BRINP3: variants seen among roughly 807,000 people sequenced by gnomAD.
BRINP3 encodes BMP/retinoic acid-inducible neural-specific protein 3.
BRINP3 carries 19 observed loss-of-function variants against 71.0 expected under a neutral mutation model. The observed-to-expected ratio is 0.27, with a 90% CI of 0.19 to 0.39. The LOEUF is 0.39. Among genes scored for constraint, BRINP3 ranks in the 10% least tolerant of loss-of-function variants. BRINP3 has a pLI of 1.00. For synonymous variants in BRINP3, 380 were observed against 337.7 expected (o/e 1.13, Z -1.37); for missense variants, 959 against 940.8 (o/e 1.02, Z -0.25).
At chr1:190,240,543 G>A (rs1459058337) in intron 4 of BRINP3, among the ~76,000 whole-genome samples, 4 of 151,964 alleles carry the variant, frequency 2.6e-5, no homozygotes, top group African/African-American at 9.7e-5. Context: ...TATCTGAGGA[G>A]TAGATAGATA....
intron 4 of BRINP3, among the ~76,000 whole-genome samples, chr1:190,253,648 T>C (rs896742777): frequency 6.6e-6 from 1 of 152,220 alleles, no homozygotes; most frequent in African/African-American, 2.4e-5. Flanking sequence ...GCAAATTTGT[T>C]TAAATTCTTT....
chr1:190,355,688 A>G (rs990849616), intron 2 of BRINP3, among the ~76,000 whole-genome samples: 3 of 151,934 alleles, frequency 2.0e-5, no homozygotes, highest in Admixed American at 6.6e-5. Context: ...TTTCCTGGAA[A>G]TAATTCATAT....
rs375616351 is a variant in BRINP3 at position 190,412,514 on chromosome 1, G to A, written c.236+42141C>T. Among the ~76,000 whole-genome samples, 409 of 142,658 alleles carry A rather than the reference G, an allele frequency of 2.9e-3. 2 individuals carry two copies. The highest frequency in any genetic ancestry group is 9.9e-3 in the African/African-American group (379 of 38,396). The allele number at this position is 142,658 out of a possible 152,430, so 93.6% of individuals were successfully genotyped here. A position where few individuals can be genotyped will look rare whatever the true frequency, so the allele number is the denominator to read the frequency against. On this transcript the variant is annotated intron_variant, in intron 2 of 7. Transcript: ENST00000367462. ...GTCTCGCTCTGTCGCCCAGGCTGGA[G>A]TGCAGTGGTGGGATCTCGGCTCACT...
chr1:190,208,868 C>T (rs1291155545), intron 6 of BRINP3, among the ~76,000 whole-genome samples: 2 of 152,020 alleles, frequency 1.3e-5, no homozygotes, highest in Non-Finnish European at 1.5e-5. Context: ...AGTCACTTAA[C>T]ATGTGTTAGC....
chr1:190,454,510 C>G (rs1316895780), intron 2 of BRINP3, 145 bp downstream of exon 2: 4 of 634,170 alleles, frequency 6.3e-6, no homozygotes, highest in Non-Finnish European at 1.1e-5. Flanking sequence ...CTTTGAATAG[C>G]AAGAAAACAT....
chr1:190,476,962 A>G (rs887924103), intron 1 of BRINP3, among the ~76,000 whole-genome samples: 5 of 152,224 alleles, frequency 3.3e-5, no homozygotes, highest in Admixed American at 1.3e-4. Flanking sequence ...ACTTTGCAAC[A>G]AAGTCTTCCT....
At chr1:190,291,707 G>T (rs936345974) in intron 2 of BRINP3, among the ~76,000 whole-genome samples, 1 of 152,122 alleles carries the variant, frequency 6.6e-6, no homozygotes, top group Non-Finnish European at 1.5e-5. Flanking sequence ...CAGTTGGTGA[G>T]AACGTAAATT....
At chr1:190,475,312 G>A (rs186968024) in intron 1 of BRINP3, among the ~76,000 whole-genome samples, 80 of 152,256 alleles carry the variant, frequency 5.3e-4, no homozygotes, top group Non-Finnish European at 1.0e-3. Flanking sequence ...ACGCAAAAAG[G>A]TACTAAGAGA....
intron 4 of BRINP3, among the ~76,000 whole-genome samples, chr1:190,262,707 ACT>A (rs1348462229): frequency 1.3e-5 from 2 of 151,910 alleles, no homozygotes; most frequent in South Asian, 2.1e-4. Flanking sequence ...ATTCCAGATT[ACT>A]CTTTCTTCCC....
intron 4 of BRINP3, among the ~76,000 whole-genome samples, chr1:190,241,987 A>G (rs951398941): frequency 6.6e-6 from 1 of 151,634 alleles, no homozygotes; most frequent in African/African-American, 2.4e-5. Context: ...TTTTCCTCTG[A>G]TAGTCATTAA....
chr1:190,112,582 T>G (rs1343811535), intron 7 of BRINP3, among the ~76,000 whole-genome samples: 1 of 152,172 alleles, frequency 6.6e-6, no homozygotes, highest in Non-Finnish European at 1.5e-5. Flanking sequence ...AATTTGAAAA[T>G]TAATAAGTAC....
At chr1:190,133,670 C>G (rs538283808) in intron 7 of BRINP3, among the ~76,000 whole-genome samples, 9 of 152,048 alleles carry the variant, frequency 5.9e-5, no homozygotes, top group African/African-American at 2.2e-4. Flanking sequence ...AAACATGATG[C>G]ATAATACACT....
intron 7 of BRINP3, among the ~76,000 whole-genome samples, chr1:190,129,849 A>G (rs766670935): frequency 7.9e-5 from 12 of 152,006 alleles, no homozygotes; most frequent in Non-Finnish European, 1.3e-4. Context: ...AAATATATCG[A>G]TAAGACAGCC....
chr1:190,188,581 A>T (rs1206716702), intron 6 of BRINP3, among the ~76,000 whole-genome samples: 4 of 151,998 alleles, frequency 2.6e-5, no homozygotes, highest in African/African-American at 9.7e-5. Flanking sequence ...GAAATTTGTC[A>T]AATGCACCTT....
At chr1:190,157,138 A>T (rs901203377) in intron 7 of BRINP3, among the ~76,000 whole-genome samples, 2 of 152,022 alleles carry the variant, frequency 1.3e-5, no homozygotes, top group Admixed American at 6.6e-5. Flanking sequence ...TATTAAAAAA[A>T]AAAATTAACA....
chr1:190,336,254 C>T (rs956724911), intron 2 of BRINP3, among the ~76,000 whole-genome samples: 1 of 152,014 alleles, frequency 6.6e-6, no homozygotes. Context: ...CCTTGAGATA[C>T]TTGGAAGATT....
At chr1:190,191,019 C>A (rs568327480) in intron 6 of BRINP3, among the ~76,000 whole-genome samples, 1 of 152,078 alleles carries the variant, frequency 6.6e-6, no homozygotes, top group Non-Finnish European at 1.5e-5. Flanking sequence ...GTTTTATGGT[C>A]AATTGCATTG....
At chr1:190,383,207 C>T (rs1670663406) in intron 2 of BRINP3, among the ~76,000 whole-genome samples, 1 of 151,928 alleles carries the variant, frequency 6.6e-6, no homozygotes, top group Non-Finnish European at 1.5e-5. Context: ...TTTTATTGAG[C>T]CATTAGATTC....
chr1:190,308,648 TA>T lies in BRINP3; in HGVS notation c.237-26899del, dbSNP rs1052302700. On this transcript the variant is annotated intron_variant, in intron 2 of 7. Transcript: ENST00000367462. ...CCTAAAACTTAAAGTATAATAATAA[TA>T]AAAAAAGGATTGTTGTTAATACAAT... Among the ~76,000 whole-genome samples the T allele has an allele frequency of 9.9e-5, 15 of 151,392 alleles. No homozygotes were observed. The South Asian group carries it at 2.1e-3, about 21-fold the overall frequency.
Sources: allele counts gnomAD v4.1 joint callset (sites outside exome capture counted in the v4.1 genomes callset), GRCh38; gene constraint gnomAD v4.1.1; transcripts MANE v1.5; gene names NCBI Gene and HGNC (gene_info 2026-07-23, HGNC 2026-07-21).